FSTL4: variants seen among roughly 807,000 people sequenced by gnomAD.
FSTL4 encodes follistatin-related protein 4.
A neutral mutation model predicts 78.2 loss-of-function variants in FSTL4; 28 were observed. That is an observed-to-expected ratio of 0.36 (90% CI 0.27 to 0.49). The LOEUF (loss-of-function observed/expected upper bound fraction) is 0.49. FSTL4 is among the 20% of genes least tolerant of loss of function. The pLI is 0.98. For synonymous variants in FSTL4, 422 were observed against 440.5 expected (o/e 0.96, Z 0.53); for missense variants, 922 against 1,084.9 (o/e 0.85, Z 2.11).
intron 3 of FSTL4, among the ~76,000 whole-genome samples, chr5:133,453,707 A>G (rs1402737682): frequency 6.6e-6 from 1 of 152,210 alleles, no homozygotes; most frequent in African/African-American, 2.4e-5. Context: ...AAGGGCACTG[A>G]TCCCCATGAA....
the FSTL4 span, among the ~76,000 whole-genome samples, chr5:133,686,354 G>A: frequency 6.6e-6 from 1 of 152,220 alleles, no homozygotes. Context: ...GGCCAGTAGG[G>A]TCACATGAGG....
intron 4 of FSTL4, among the ~76,000 whole-genome samples, chr5:133,341,618 C>G (rs1176614632): frequency 2.0e-5 from 3 of 152,142 alleles, no homozygotes; most frequent in African/African-American, 7.2e-5. Context: ...ACCAACACCT[C>G]TGTTCTAACT....
At chr5:133,419,936 C>T (rs1756658897) in intron 3 of FSTL4, among the ~76,000 whole-genome samples, 1 of 152,184 alleles carries the variant, frequency 6.6e-6, no homozygotes, top group African/African-American at 2.4e-5. Flanking sequence ...AGACTATGCT[C>T]ACAAAAGGAC....
chr5:133,702,985 G>A, the FSTL4 span, among the ~76,000 whole-genome samples: 6 of 152,222 alleles, frequency 3.9e-5, no homozygotes, highest in East Asian at 1.2e-3. Context: ...CTGCCCCACC[G>A]TGATCTGTCT....
At chr5:133,201,169 G>A (rs1467479822) in intron 15 of FSTL4, among the ~76,000 whole-genome samples, 1 of 152,196 alleles carries the variant, frequency 6.6e-6, no homozygotes, top group African/African-American at 2.4e-5. Context: ...GGTATAAATA[G>A]TGCTACAAGA....
At chr5:133,266,089 C>G (rs1752634547) in intron 6 of FSTL4, among the ~76,000 whole-genome samples, 1 of 152,204 alleles carries the variant, frequency 6.6e-6, no homozygotes. Context: ...AGCTGGCAGC[C>G]CCGAATCCCA....
At chr5:133,618,113 A>T in the FSTL4 span, among the ~76,000 whole-genome samples, 1 of 152,344 alleles carries the variant, frequency 6.6e-6, no homozygotes, top group South Asian at 2.1e-4. Flanking sequence ...TCCCATACAT[A>T]CATACCTATG....
chr5:133,645,952 C>G, the FSTL4 span, among the ~76,000 whole-genome samples: 1 of 152,186 alleles, frequency 6.6e-6, no homozygotes, highest in Admixed American at 6.5e-5. Flanking sequence ...TAAATGTCTG[C>G]TGCTTCAAGC....
the FSTL4 span, among the ~76,000 whole-genome samples, chr5:133,808,084 TC>T: frequency 3.3e-5 from 5 of 152,234 alleles, no homozygotes; most frequent in Admixed American, 3.3e-4. Context: ...ACAGAGAACT[TC>T]ACGTTTCTAA....
chr5:133,674,326 G>A, the FSTL4 span, among the ~76,000 whole-genome samples: 1 of 152,180 alleles, frequency 6.6e-6, no homozygotes, highest in Non-Finnish European at 1.5e-5. Context: ...CTACTACAAA[G>A]CTTTTGGCTA....
rs537451273 is a variant in FSTL4 at position 133,411,908 on chromosome 5, A to G, written c.161-10922T>C. Among the ~76,000 whole-genome samples the G allele has an allele frequency of 2.6e-5, 4 of 152,310 alleles. No homozygotes were observed. The South Asian group carries it at 8.3e-4, about 32-fold the overall frequency. ...GCCAAAATTAATCATTCCTCTCAAC[A>G]GTAGCAATAAATAATTAGAGGTGAA... On this transcript the variant is annotated intron_variant, in intron 3 of 15. Coordinates refer to ENST00000265342, the MANE Select transcript of FSTL4 (RefSeq NM_015082.2).
intron 3 of FSTL4, among the ~76,000 whole-genome samples, chr5:133,534,528 A>G (rs1364134076): frequency 6.6e-6 from 1 of 152,180 alleles, no homozygotes; most frequent in Non-Finnish European, 1.5e-5. Context: ...TCTGCCCTCC[A>G]TGTGCCCATG....
the FSTL4 span, among the ~76,000 whole-genome samples, chr5:133,777,958 T>C: frequency 3.9e-5 from 6 of 152,368 alleles, no homozygotes; most frequent in South Asian, 1.2e-3. Flanking sequence ...ATTTTAACTT[T>C]AAAAGCTTCC....
At chr5:133,355,618 T>C (rs1197475009) in intron 4 of FSTL4, among the ~76,000 whole-genome samples, 1 of 152,164 alleles carries the variant, frequency 6.6e-6, no homozygotes, top group East Asian at 1.9e-4. Flanking sequence ...ATCGTGCCAC[T>C]GCACTCCAGC....
At chr5:133,253,940 T>G (rs1347475517) in intron 6 of FSTL4, among the ~76,000 whole-genome samples, 5 of 152,296 alleles carry the variant, frequency 3.3e-5, no homozygotes, top group Non-Finnish European at 2.9e-5. Flanking sequence ...TGCTCATCCA[T>G]TCTGAGCTCC....
At chr5:133,622,838 C>T in the FSTL4 span, among the ~76,000 whole-genome samples, 1 of 152,196 alleles carries the variant, frequency 6.6e-6, no homozygotes, top group East Asian at 1.9e-4. Context: ...AAATGTTTTC[C>T]TCCAGTCTCT....
At chr5:133,803,271 T>C in the FSTL4 span, among the ~76,000 whole-genome samples, 27 of 152,144 alleles carry the variant, frequency 1.8e-4, no homozygotes, top group Non-Finnish European at 3.2e-4. Flanking sequence ...CTCCCCCAGA[T>C]TGACCCACAT....
chr5:133,379,713 C>T (rs1755519480), intron 4 of FSTL4, among the ~76,000 whole-genome samples: 2 of 152,162 alleles, frequency 1.3e-5, no homozygotes, highest in South Asian at 2.1e-4. Context: ...AAGGACACAA[C>T]GTAACAAAAC....
At chr5:133,831,854 C>T in the FSTL4 span, among the ~76,000 whole-genome samples, 1 of 152,176 alleles carries the variant, frequency 6.6e-6, no homozygotes, top group Non-Finnish European at 1.5e-5. Flanking sequence ...TCTGGCACCG[C>T]TGGATGGGAT....
Sources: gnomAD v4.1 joint callset for allele counts (sites outside exome capture counted in the v4.1 genomes callset) on GRCh38, gnomAD v4.1.1 for gene constraint, MANE v1.5 for transcripts, NCBI Gene and HGNC (gene_info 2026-07-23, HGNC 2026-07-21) for gene names.